CRPPA: variants seen among roughly 807,000 people sequenced by gnomAD.
CRPPA encodes CDP-L-ribitol pyrophosphorylase A.
CRPPA carries 43 observed loss-of-function variants against 52.0 expected under a neutral mutation model. The observed-to-expected ratio is 0.83, with a 90% CI of 0.65 to 1.07. CRPPA has a LOEUF of 1.07. Among genes scored for constraint, CRPPA ranks in the 50% least tolerant of loss-of-function variants. CRPPA has a pLI of 0.00. For missense variants in CRPPA, 629 were observed against 551.7 expected (o/e 1.14, Z -1.40); for synonymous variants, 250 against 203.5 (o/e 1.23, Z -1.94).
chr7:16,138,124 G>A (rs914378609), intron 9 of CRPPA, among the ~76,000 whole-genome samples: 5 of 152,158 alleles, frequency 3.3e-5, no homozygotes, highest in Middle Eastern at 3.2e-3. Flanking sequence ...CAATTTATAT[G>A]TACATATATG....
At chr7:16,172,551 T>G (rs1357209075) in intron 9 of CRPPA, among the ~76,000 whole-genome samples, 1 of 152,202 alleles carries the variant, frequency 6.6e-6, no homozygotes, top group Non-Finnish European at 1.5e-5. Flanking sequence ...TTGCCAGTAT[T>G]GGAGTACTGA....
At chr7:16,188,934 T>C (rs974540243) in intron 9 of CRPPA, among the ~76,000 whole-genome samples, 3 of 152,126 alleles carry the variant, frequency 2.0e-5, no homozygotes, top group Admixed American at 6.6e-5. Flanking sequence ...AAAACAGCCA[T>C]GTTTTCAGCT....
intron 3 of CRPPA, among the ~76,000 whole-genome samples, chr7:16,309,320 G>A (rs1034634987): frequency 6.6e-6 from 1 of 152,032 alleles, no homozygotes; most frequent in Non-Finnish European, 1.5e-5. Flanking sequence ...GATATATAAA[G>A]GTAAATGACA....
rs1291341315 is a variant in CRPPA, at chr7:16,091,266, A to G, written c.*429T>C. 6.4e-6 allele frequency: 1 copy of G among 155,424 alleles called. No homozygotes were observed. The highest frequency in any genetic ancestry group is 1.4e-5 in the Non-Finnish European group (1 of 70,304). 9.6% of individuals were successfully genotyped at this position (155,424 alleles called of 1,614,324 possible). A position where few individuals can be genotyped will look rare whatever the true frequency, so the allele number is the denominator to read the frequency against. On this transcript the variant is annotated 3_prime_UTR_variant, in exon 10 of 10. Transcript: ENST00000407010. ...CAAAATATCACCTGGTGACAGGACA[A>G]TTATAGAAGTGAGAATAATTCTGAA...
chr7:16,111,542 T>C (rs953453096), intron 9 of CRPPA, among the ~76,000 whole-genome samples: 1 of 152,192 alleles, frequency 6.6e-6, no homozygotes, highest in Non-Finnish European at 1.5e-5. Context: ...ATCAACAGAT[T>C]TATTGTTTAA....
chr7:16,193,358 A>C (rs1781656479), intron 9 of CRPPA, among the ~76,000 whole-genome samples: 1 of 152,020 alleles, frequency 6.6e-6, no homozygotes, highest in Non-Finnish European at 1.5e-5. Flanking sequence ...TTTTATATTG[A>C]CCTTATATTT....
At position 16,141,761 on chromosome 7, in the gene CRPPA, AT is replaced by A. The variant is rs1782876088; in HGVS notation, c.1252-49963del. The stretch of plus-strand genomic sequence containing the variant: ...AATATATGCATGTACTCATCTACCA[AT>A]GTCAAACATTCAACTTGTACATTAT... On this transcript the variant is annotated intron_variant, in intron 9 of 9. Transcript: ENST00000407010. Among the ~76,000 whole-genome samples the A allele has an allele frequency of 2.6e-5, 4 of 152,320 alleles. No individual in the cohort carries two copies. In the South Asian group the frequency reaches 8.3e-4, roughly 32 times the overall value.
chr7:16,397,463 A>T (rs1562679419), intron 2 of CRPPA, among the ~76,000 whole-genome samples: 1 of 152,238 alleles, frequency 6.6e-6, no homozygotes, highest in Non-Finnish European at 1.5e-5. Flanking sequence ...GACACGTGAC[A>T]TGTGACTCAT....
At position 16,320,833 on chromosome 7, in the gene CRPPA, A is replaced by C. The variant is rs1785248930; in HGVS notation, c.685-12206T>G. 2.0e-5 allele frequency among the ~76,000 whole-genome samples: 3 copies of C among 152,286 alleles called. No individual in the cohort carries two copies. The South Asian group carries it at 6.2e-4, about 32-fold the overall frequency. ...GGATTTCATGAGAGACAGTTATCCAAGCAGCTTTGTTCTCATATCAGTCAT... is the reference window on the plus strand; with the variant it reads ...GGATTTCATGAGAGACAGTTATCCACGCAGCTTTGTTCTCATATCAGTCAT... On this transcript the variant is annotated intron_variant, in intron 3 of 9. Transcript: ENST00000407010.
chr7:16,400,428 A>G (rs915025861), intron 2 of CRPPA, among the ~76,000 whole-genome samples: 3 of 152,204 alleles, frequency 2.0e-5, no homozygotes, highest in Non-Finnish European at 2.9e-5. Flanking sequence ...TGACTGACAT[A>G]TGATCGACTT....
At chr7:16,139,316 C>G (rs886945430) in intron 9 of CRPPA, among the ~76,000 whole-genome samples, 1 of 152,068 alleles carries the variant, frequency 6.6e-6, no homozygotes, top group East Asian at 1.9e-4. Context: ...AAAACTTGAC[C>G]TGTACATCCC....
chr7:16,365,648 A>G (rs1487974442), intron 3 of CRPPA, among the ~76,000 whole-genome samples: 1 of 152,248 alleles, frequency 6.6e-6, no homozygotes, highest in African/African-American at 2.4e-5. Context: ...GGTGCCCTGT[A>G]TCAGAGAATA....
At chr7:16,131,643 C>G (rs76357720) in intron 9 of CRPPA, among the ~76,000 whole-genome samples, 1 of 152,114 alleles carries the variant, frequency 6.6e-6, no homozygotes, top group Non-Finnish European at 1.5e-5. Flanking sequence ...AGTGCAGTAG[C>G]ACAATCTTGG....
At chr7:16,317,752 G>A (rs1196904212) in intron 3 of CRPPA, among the ~76,000 whole-genome samples, 1 of 152,040 alleles carries the variant, frequency 6.6e-6, no homozygotes. Context: ...ATTTCCTTGG[G>A]ACACATCCAG....
At chr7:16,397,708 A>G (rs1787643322) in intron 2 of CRPPA, among the ~76,000 whole-genome samples, 1 of 152,230 alleles carries the variant, frequency 6.6e-6, no homozygotes, top group African/African-American at 2.4e-5. Context: ...TACATGATTG[A>G]CATGCGACCA....
chr7:16,300,548 C>A (rs6461234), intron 5 of CRPPA, among the ~76,000 whole-genome samples: 5 of 152,128 alleles, frequency 3.3e-5, no homozygotes, highest in South Asian at 2.1e-4. Context: ...TGTTTTTATC[C>A]CTAGGGAACA....
chr7:16,367,155 A>T (rs1786617563), intron 3 of CRPPA, among the ~76,000 whole-genome samples: 1 of 139,312 alleles, frequency 7.2e-6, no homozygotes, highest in Admixed American at 7.3e-5. Context: ...CTTTCCTCAA[A>T]TCTCCATTTG....
intron 6 of CRPPA, among the ~76,000 whole-genome samples, chr7:16,265,740 G>C (rs948642102): frequency 6.6e-6 from 1 of 151,486 alleles, no homozygotes; most frequent in Non-Finnish European, 1.5e-5. Context: ...ATTTATTGAG[G>C]CTTTATAACT....
intron 9 of CRPPA, among the ~76,000 whole-genome samples, chr7:16,162,330 C>G (rs1255440592): frequency 6.6e-6 from 1 of 152,176 alleles, no homozygotes; most frequent in Non-Finnish European, 1.5e-5. Flanking sequence ...ATAAATTTCC[C>G]TCTAAACACT....
Sources: gnomAD v4.1 joint callset for allele counts (sites outside exome capture counted in the v4.1 genomes callset) on GRCh38, gnomAD v4.1.1 for gene constraint, MANE v1.5 for transcripts, NCBI Gene and HGNC (gene_info 2026-07-23, HGNC 2026-07-21) for gene names.